UBXN2B: variants seen among roughly 807,000 people sequenced by gnomAD.
UBXN2B encodes UBX domain protein 2B, also known as UBX domain-containing protein 2B.
Under a neutral mutation model 37.5 loss-of-function variants are expected in UBXN2B, and 19 were observed. That is an observed-to-expected ratio of 0.51 (90% CI 0.35 to 0.74). The LOEUF is 0.74. Among genes scored for constraint, UBXN2B ranks in the 30% least tolerant of loss-of-function variants. The pLI, the probability that UBXN2B is intolerant of heterozygous loss-of-function variation, is 0.01. For synonymous variants in UBXN2B, 145 were observed against 143.8 expected (o/e 1.01, Z -0.06); for missense variants, 370 against 393.2 (o/e 0.94, Z 0.50).
At chr8:58,426,500 G>T in intron 2 of UBXN2B, 2 of 719,216 alleles carry the variant, frequency 2.8e-6, no homozygotes, top group South Asian at 2.7e-5. Context: ...GAACCACCGT[G>T]ACCGGCCCAG....
intron 2 of UBXN2B, chr8:58,424,635 C>G (rs1808026216): frequency 8.1e-7 from 1 of 1,227,192 alleles, no homozygotes; most frequent in Admixed American, 1.7e-5. Flanking sequence ...TTTTCATACA[C>G]TCTAGCACTG....
rs374920300 is a variant in UBXN2B at position 58,446,058 on chromosome 8, A to T, written c.823A>T (p.Ser275Cys). 2.5e-6 allele frequency: 4 copies of T among 1,609,610 alleles called. No homozygotes were observed. Among genetic ancestry groups the T allele is most frequent in the African/African-American group, 2.7e-5 (2 of 74,808 alleles). ...DGSRLIQRFNSTHRILDVRNF... is the reference protein window; with the variant it reads ...DGSRLIQRFNCTHRILDVRNF... The stretch of plus-strand genomic sequence containing the variant: ...GAGTCGTTTGATACAAAGATTCAAT[A>T]GTACACACAGGTAAGCTTCTTTACC... The change falls in exon 7 of 8, where the codon AGT becomes TGT. Residue 275 changes from serine to cysteine, a missense_variant. By Grantham distance (112) the Ser-to-Cys change is moderately radical. Coordinates refer to ENST00000399598, the MANE Select transcript of UBXN2B (RefSeq NM_001077619.2).
Position 58,448,226 on chromosome 8 carries a change from T to C in UBXN2B, c.*675T>C, listed in dbSNP as rs1305630306. Reference sequence around the variant, plus strand: ...TTTGCTCTTGTTGCCCAGGCTGGAGTGCAATGGCATAATTTCTGCTCACCG... The same window carrying C: ...TTTGCTCTTGTTGCCCAGGCTGGAGCGCAATGGCATAATTTCTGCTCACCG... On this transcript the variant is annotated 3_prime_UTR_variant, in exon 8 of 8. Transcript: ENST00000399598. 6.7e-6 allele frequency: 1 copy of C among 149,336 alleles called. No individual in the cohort carries two copies. The highest frequency in any genetic ancestry group is 1.5e-5 in the Non-Finnish European group (1 of 67,736). 9.3% of individuals were successfully genotyped at this position (149,336 alleles called of 1,614,324 possible). A position where few individuals can be genotyped will look rare whatever the true frequency, so the allele number is the denominator to read the frequency against.
rs147452386 is a variant in UBXN2B at position 58,419,823 on chromosome 8, G to A, written c.188+2870G>A. ...GTAGCAAATAAGGTTGGATAGATGG[G>A]GGTGCAGCCAGGAAGGCTTTCATAG... On this transcript the variant is annotated intron_variant, in intron 2 of 7. Transcript: ENST00000399598. 7.2e-5 allele frequency among the ~76,000 whole-genome samples: 11 copies of A among 152,360 alleles called. No individual in the cohort carries two copies. In the East Asian group the frequency reaches 2.1e-3, roughly 29 times the overall value.
chr8:58,445,785 A>G (rs1808651892), intron 6 of UBXN2B, 122 bp from the exon 7 acceptor site: 2 of 801,284 alleles, frequency 2.5e-6, no homozygotes. Flanking sequence ...CTTTAATATA[A>G]TGAAAGAGGT....
intron 1 of UBXN2B, among the ~76,000 whole-genome samples, chr8:58,412,948 C>T (rs1403592031): frequency 6.6e-6 from 1 of 152,194 alleles, no homozygotes; most frequent in East Asian, 1.9e-4. Context: ...ATTCTAATAT[C>T]ATTAAAGTTA....
At chr8:58,444,897 C>G (rs1469338) in intron 6 of UBXN2B, among the ~76,000 whole-genome samples, 9 of 152,008 alleles carry the variant, frequency 5.9e-5, no homozygotes, top group Non-Finnish European at 8.8e-5. Context: ...GAGAGAGAAG[C>G]TTTTTGAATG....
chr8:58,426,515 C>T (rs1808096194), intron 2 of UBXN2B: 1 of 729,758 alleles, frequency 1.4e-6, no homozygotes, highest in African/African-American at 1.7e-5. Flanking sequence ...GCCCAGTGTT[C>T]TGAATCTTGA....
chr8:58,433,435 T>G (rs891679640), intron 4 of UBXN2B, among the ~76,000 whole-genome samples, 192 bp downstream of exon 4: 15 of 152,122 alleles, frequency 9.9e-5, no homozygotes, highest in African/African-American at 3.4e-4. Flanking sequence ...GCCTTGCACT[T>G]AGAGATATGG....
chr8:58,443,622 A>C (rs1342828273), intron 6 of UBXN2B, among the ~76,000 whole-genome samples: 1 of 146,208 alleles, frequency 6.8e-6, no homozygotes, highest in East Asian at 2.1e-4. Flanking sequence ...GCGAAACCCC[A>C]TCTCTACTAA....
At chr8:58,414,589 A>G (rs1370482896) in intron 1 of UBXN2B, among the ~76,000 whole-genome samples, 2 of 152,154 alleles carry the variant, frequency 1.3e-5, no homozygotes, top group Non-Finnish European at 2.9e-5. Context: ...CAGTACTTCA[A>G]TTAATATTTA....
chr8:58,429,068 C>T (rs886597463), intron 2 of UBXN2B, among the ~76,000 whole-genome samples: 15 of 152,068 alleles, frequency 9.9e-5, no homozygotes, highest in African/African-American at 3.1e-4. Context: ...TAATAAAAAC[C>T]GTTAACCGTA....
Position 58,434,415 on chromosome 8 carries a change from G to C in UBXN2B, c.444G>C (p.Leu148=). 6.8e-7 allele frequency: 1 copy of C among 1,477,320 alleles called. No individual in the cohort carries two copies. The highest frequency in any genetic ancestry group is 9.0e-7 in the Non-Finnish European group (1 of 1,113,266). 91.5% of individuals were successfully genotyped at this position (1,477,320 alleles called of 1,614,324 possible). The part of the protein sequence containing the change: ...QLQDVQILLK[L]WSNGFSLDDG... ...AAAAGGTTCAGATTTTGCTTAAACT[G>C]TGGAGCAATGGTTTCAGTTTAGATG... The change falls in exon 5 of 8, where the codon CTG becomes CTC. Residue 148 remains leucine (L), a synonymous_variant. Coordinates refer to ENST00000399598, the MANE Select transcript of UBXN2B (RefSeq NM_001077619.2).
chr8:58,428,210 G>A (rs1371434098), intron 2 of UBXN2B, among the ~76,000 whole-genome samples: 3 of 152,242 alleles, frequency 2.0e-5, no homozygotes, highest in South Asian at 2.1e-4. Flanking sequence ...GGTACCAGTC[G>A]CAGATAATAT....
chr8:58,437,019 A>C (rs914897557), intron 5 of UBXN2B, among the ~76,000 whole-genome samples: 1 of 152,210 alleles, frequency 6.6e-6, no homozygotes, highest in Non-Finnish European at 1.5e-5. Context: ...GGAACTGGGT[A>C]ATAGGCAGTG....
chr8:58,430,971 C>A (rs534196481), intron 3 of UBXN2B, among the ~76,000 whole-genome samples: 30 of 152,136 alleles, frequency 2.0e-4, no homozygotes, highest in Non-Finnish European at 2.1e-4. Context: ...CCAATGGTTC[C>A]CCCCAATGGT....
At chr8:58,427,703 T>G (rs1164776795) in intron 2 of UBXN2B, among the ~76,000 whole-genome samples, 3 of 152,190 alleles carry the variant, frequency 2.0e-5, no homozygotes, top group Non-Finnish European at 4.4e-5. Flanking sequence ...GGAGATGAAC[T>G]TGAGTGAAGT....
rs75063235 is a variant in UBXN2B at position 58,431,797 on chromosome 8, T to G, written c.339+1128T>G. ...TAACATGCCATGGTTTTATTTTATT[T>G]GTCTAATAACTAATGATGTTAATTT... is the stretch of plus-strand genomic sequence containing the variant. On this transcript the variant is annotated intron_variant, in intron 3 of 7. Transcript: ENST00000399598. Among the ~76,000 whole-genome samples the G allele has an allele frequency of 0.016, 2,443 of 152,324 alleles. 168 individuals are homozygous for G. The East Asian group carries it at 0.23, about 14-fold the overall frequency.
Position 58,450,218 on chromosome 8 carries a change from C to T in UBXN2B, c.*2667C>T, listed in dbSNP as rs185410145. 6.6e-6 allele frequency: 1 copy of T among 152,274 alleles called. No individual in the cohort carries two copies. Among genetic ancestry groups the T allele is most frequent in the African/African-American group, 2.4e-5 (1 of 41,562 alleles). The allele number at this position is 152,274 out of a possible 1,614,324, so 9.4% of individuals were successfully genotyped here. A position where few individuals can be genotyped will look rare whatever the true frequency, so the allele number is the denominator to read the frequency against. ...CCGCGAATTTCCCAAATCATCAAGT[C>T]CTGGTTTCTTTATATTTAACAGGTC... is the stretch of plus-strand genomic sequence containing the variant. On this transcript the variant is annotated 3_prime_UTR_variant, in exon 8 of 8. Coordinates refer to ENST00000399598, the MANE Select transcript of UBXN2B (RefSeq NM_001077619.2).
Sources: allele counts gnomAD v4.1 joint callset (sites outside exome capture counted in the v4.1 genomes callset), GRCh38; gene constraint gnomAD v4.1.1; transcripts MANE v1.5; gene names NCBI Gene and HGNC (gene_info 2026-07-23, HGNC 2026-07-21).